Variants in MSN observed in about 807,000 individuals in gnomAD.
The protein encoded by MSN is epididymis luminal protein 70.
A neutral mutation model predicts 48.0 loss-of-function variants in MSN; 2 were observed. The ratio of observed to expected loss-of-function variants is 0.04; its 90% CI spans 0.02 to 0.13. The LOEUF is 0.13. MSN is among the 10% of genes least tolerant of loss of function. The pLI, the probability that MSN is intolerant of heterozygous loss-of-function variation, is 1.00. For missense variants in MSN, 267 were observed against 470.1 expected, an observed-to-expected ratio of 0.57 and a Z score of 3.99; for synonymous variants, 146 against 166.9, an observed-to-expected ratio of 0.87 and a Z score of 0.97.
chrX:65,610,225 C>A (rs761666213), intron 1 of MSN, among the ~76,000 whole-genome samples: 7 of 111,964 alleles, frequency 6.3e-5, no homozygotes, highest in African/African-American at 2.3e-4. Context: ...TCAACCCAAA[C>A]GGAAACTCTG....
intron 1 of MSN, among the ~76,000 whole-genome samples, chrX:65,673,934 G>T (rs923007881): frequency 9.0e-6 from 1 of 111,623 alleles, no homozygotes; most frequent in African/African-American, 3.3e-5. Flanking sequence ...GGCACTCACT[G>T]TGAGGTGCTC....
chrX:65,588,490 C>A (rs1303017095), exon 1 of MSN: 8 of 719,050 alleles, frequency 1.1e-5, no homozygotes, highest in Non-Finnish European at 1.2e-5. Flanking sequence ...GCAGGGGCAG[C>A]CATGAGCTCC....
intron 1 of MSN, among the ~76,000 whole-genome samples, chrX:65,709,080 A>G: frequency 8.9e-6 from 1 of 112,358 alleles, no homozygotes; most frequent in East Asian, 2.8e-4. Context: ...GGTTGATTCC[A>G]TATCTTGGCT....
intron 7 of MSN, among the ~76,000 whole-genome samples, chrX:65,733,697 C>CT (rs906797245): frequency 1.5e-4 from 17 of 111,205 alleles, no homozygotes; most frequent in African/African-American, 4.6e-4. Flanking sequence ...CTCTCTCTTT[C>CT]TTTTTTTTGA....
intron 1 of MSN, among the ~76,000 whole-genome samples, chrX:65,629,549 G>A (rs976925252): frequency 1.8e-5 from 2 of 111,716 alleles, no homozygotes; most frequent in Non-Finnish European, 3.8e-5. Flanking sequence ...AGACATACCC[G>A]AGACTGGGAA....
chrX:65,593,995 T>C (rs930635168), intron 1 of MSN, among the ~76,000 whole-genome samples: 7 of 112,304 alleles, frequency 6.2e-5, no homozygotes, highest in Non-Finnish European at 1.3e-4. Context: ...GAGACAGGTC[T>C]AGGAGTTGCT....
intron 1 of MSN, among the ~76,000 whole-genome samples, chrX:65,714,107 A>G (rs1214112436): frequency 9.0e-6 from 1 of 111,515 alleles, no homozygotes; most frequent in Non-Finnish European, 1.9e-5. Context: ...TTCCTGCATT[A>G]GTTTGCTAAG....
rs193185956 is a variant in MSN at position 65,600,243 on chromosome X, C to T, written c.-22+11631C>T. Among the ~76,000 whole-genome samples the T allele has an allele frequency of 5.1e-4, 57 of 111,081 alleles. 1 individual carries two copies. The East Asian group carries it at 7.4e-3, about 14-fold the overall frequency. On this transcript the variant is annotated intron_variant, in intron 1 of 3. Coordinates refer to the MSN transcript ENST00000609672. ...AGTGTGTGTGTCTTTTTAAAAATTT[C>T]TGTTGGCTGCTCTGAGAGTTTGTGT... is the stretch of plus-strand genomic sequence containing the variant.
chrX:65,670,895 GTTATATATATAT>G (rs2070927124), intron 1 of MSN, among the ~76,000 whole-genome samples: 1 of 39,473 alleles, frequency 2.5e-5, no homozygotes, highest in Non-Finnish European at 4.2e-5. Flanking sequence ...GATGATGACA[GTTATATATATAT>G]ATATATATAT....
chrX:65,659,134 G>A (rs1476627044), intron 1 of MSN, among the ~76,000 whole-genome samples: 3 of 108,003 alleles, frequency 2.8e-5, no homozygotes, highest in South Asian at 8.1e-4. Context: ...GTGAGCCACC[G>A]TGCCTGGCTA....
chrX:65,648,893 T>A (rs867858886), intron 1 of MSN, among the ~76,000 whole-genome samples: 16 of 106,665 alleles, frequency 1.5e-4, no homozygotes, highest in Non-Finnish European at 2.5e-4. Context: ...ATAAAATAAA[T>A]AAAATAAATA....
intron 1 of MSN, among the ~76,000 whole-genome samples, chrX:65,659,137 C>G (rs1486140641): frequency 9.2e-6 from 1 of 108,610 alleles, no homozygotes; most frequent in Non-Finnish European, 1.9e-5. Flanking sequence ...AGCCACCGTG[C>G]CTGGCTACCT....
intron 1 of MSN, among the ~76,000 whole-genome samples, chrX:65,599,177 C>T (rs1215830471): frequency 2.7e-5 from 3 of 110,557 alleles, no homozygotes; most frequent in Non-Finnish European, 5.7e-5. Context: ...AGCCTGTAGT[C>T]CCAGCTACTG....
At chrX:65,658,540 A>G in intron 1 of MSN, among the ~76,000 whole-genome samples, 1 of 111,821 alleles carries the variant, frequency 8.9e-6, no homozygotes. Flanking sequence ...GTGATGGGGA[A>G]CTTTCAATTG....
intron 1 of MSN, among the ~76,000 whole-genome samples, chrX:65,674,809 C>T (rs979406477): frequency 9.0e-5 from 10 of 111,697 alleles, no homozygotes; most frequent in African/African-American, 2.9e-4. Flanking sequence ...TTCAAGCCTC[C>T]GTGGAAAGGA....
chrX:65,626,246 G>T (rs1175645054), intron 1 of MSN, among the ~76,000 whole-genome samples: 2 of 112,176 alleles, frequency 1.8e-5, no homozygotes, highest in Non-Finnish European at 3.8e-5. Flanking sequence ...GAGCCACCGT[G>T]CCTGGCCTCT....
chrX:65,684,273 T>C (rs2071089267), intron 1 of MSN, among the ~76,000 whole-genome samples: 1 of 111,017 alleles, frequency 9.0e-6, no homozygotes, highest in South Asian at 3.8e-4. Context: ...TTTGTATATA[T>C]ATGCCTTTAA....
intron 1 of MSN, among the ~76,000 whole-genome samples, chrX:65,680,794 G>A (rs982195645): frequency 1.4e-4 from 15 of 110,952 alleles, no homozygotes; most frequent in African/African-American, 4.9e-4. Flanking sequence ...TGTTGCCCAG[G>A]CTGGAGTGCA....
Position 65,709,033 on chromosome X carries a change from C to T in MSN, c.13-7785C>T, listed in dbSNP as rs73213353. On this transcript the variant is annotated intron_variant, in intron 1 of 12. Coordinates refer to ENST00000360270, the MANE Select transcript of MSN (RefSeq NM_002444.3). ...AATATTCCATTATGTATATATGCCA[C>T]ATTTTCCTTATCCATTCATCTGGTT... Among the ~76,000 whole-genome samples, 667 of 112,399 alleles carry T rather than the reference C, an allele frequency of 5.9e-3. 2 individuals are homozygous for T. Among genetic ancestry groups the T allele is most frequent in the Middle Eastern group, 9.3e-3 (2 of 215 alleles).
Sources: gnomAD v4.1 joint callset for allele counts (sites outside exome capture counted in the v4.1 genomes callset) on GRCh38, gnomAD v4.1.1 for gene constraint, MANE v1.5 for transcripts, NCBI Gene and HGNC (gene_info 2026-07-23, HGNC 2026-07-21) for gene names.